Variants in PAX8 observed in about 807,000 individuals in gnomAD.
The protein encoded by PAX8 is paired box protein Pax-8.
PAX8 carries 15 observed loss-of-function variants against 52.4 expected under a neutral mutation model. That is an observed-to-expected ratio of 0.29 (90% CI 0.19 to 0.44). The LOEUF (loss-of-function observed/expected upper bound fraction) is 0.44. Ranked by LOEUF, PAX8 falls within the 20% of genes least tolerant of loss-of-function variation. PAX8 has a pLI of 1.00. For synonymous variants in PAX8, 284 were observed against 249.7 expected (o/e 1.14, Z -1.29); for missense variants, 554 against 602.5 (o/e 0.92, Z 0.84).
chr2:113,247,062 C>A, intron 2 of PAX8, 143 bp from the exon 3 acceptor site: 1 of 767,982 alleles, frequency 1.3e-6, no homozygotes, highest in Non-Finnish European at 2.2e-6. Context: ...GTGGGCCCCT[C>A]TGCACCCCTT....
At chr2:113,247,496 G>A (rs1435188621) in intron 2 of PAX8, among the ~76,000 whole-genome samples, 1 of 151,232 alleles carries the variant, frequency 6.6e-6, no homozygotes, top group African/African-American at 2.4e-5. Context: ...TGGACTTCTG[G>A]CCTGAATGAC....
intron 9 of PAX8, among the ~76,000 whole-genome samples, chr2:113,228,753 C>G (rs1253510451): frequency 6.6e-6 from 1 of 152,178 alleles, no homozygotes; most frequent in Non-Finnish European, 1.5e-5. Context: ...ACCAACTTAC[C>G]AAATTCATCT....
rs746024925 is a variant in PAX8 at position 113,244,559 on chromosome 2, G to C, written c.257C>G (p.Pro86Arg). 6.2e-6 allele frequency: 10 copies of C among 1,614,110 alleles called. No homozygotes were observed. The highest frequency in any genetic ancestry group is 1.7e-5 in the Admixed American group (1 of 60,016). The change falls in exon 4 of 12, where the codon CCC (proline) becomes CGC (arginine). Residue 86 changes from proline to arginine, a missense_variant. Around this residue, in one of 2 missense-constraint regions of PAX8, gnomAD observed 109 missense variants for 192.7 expected, o/e 0.57. Transcript: ENST00000429538. ...GTCCCCAATCTTCTCCACCACCTTGGGGGTGGCCACCTTGGGCTTGGAGCC... is the reference window on the plus strand; with the variant it reads ...GTCCCCAATCTTCTCCACCACCTTGCGGGTGGCCACCTTGGGCTTGGAGCC... ...IGGSKPKVAT[P>R]KVVEKIGDYK...
intron 2 of PAX8, chr2:113,274,453 C>T (rs1247379016): frequency 2.0e-5 from 3 of 152,182 alleles, no homozygotes; most frequent in Non-Finnish European, 4.4e-5. Flanking sequence ...GTTCCATGCA[C>T]CTGGCTATCT....
chr2:113,270,592 G>C (rs13001920), intron 2 of PAX8: 1 of 151,956 alleles, frequency 6.6e-6, no homozygotes, highest in Non-Finnish European at 1.5e-5. Flanking sequence ...TGTCCTCCTG[G>C]AGATGCCGAA....
intron 2 of PAX8, chr2:113,266,576 C>T (rs1693073915): frequency 6.6e-6 from 1 of 152,184 alleles, no homozygotes. Context: ...ATGGCCACAA[C>T]GTGCCTATCA....
At position 113,221,660 on chromosome 2, in the gene PAX8, T is replaced by G. The variant is rs79757198; in HGVS notation, c.1190-1482A>C. Reference sequence around the variant, plus strand: ...ATCTAAGCTTTTATTATTTTCCCATTAAACAGGTGCGAAAATAAAGCTCAA... The same window carrying G: ...ATCTAAGCTTTTATTATTTTCCCATGAAACAGGTGCGAAAATAAAGCTCAA... On this transcript the variant is annotated intron_variant, in intron 10 of 11. Transcript: ENST00000429538. Among the ~76,000 whole-genome samples, 25 of 152,342 alleles carry G rather than the reference T, an allele frequency of 1.6e-4. No homozygotes were observed. In the East Asian group the frequency reaches 4.6e-3, roughly 28 times the overall value.
chr2:113,231,934 G>A (rs1341940804), intron 9 of PAX8, among the ~76,000 whole-genome samples: 2 of 152,158 alleles, frequency 1.3e-5, no homozygotes, highest in Admixed American at 6.5e-5. Flanking sequence ...CTCCATGTTG[G>A]TCAGGCTGGT....
In PAX8 at chr2:113,227,200, C is replaced by T. The variant is rs753497138; in HGVS notation, c.1144G>A (p.Gly382Arg). ...PGYPPHIPTS[G>R]QGSYASSAIA... ...GCAGAGGAGGCATAGCTGCCCTGTC[C>T]GCTGGTGGGGATGTGGGGTGGGTAT... The change falls in exon 10 of 12, where the codon GGA becomes AGA. Residue 382 changes from glycine (G) to arginine (R), a missense_variant. Around this residue, in one of 2 missense-constraint regions of PAX8, gnomAD observed 445 missense variants for 409.9 expected, o/e 1.09. Transcript: ENST00000429538. 1.9e-5 allele frequency: 30 copies of T among 1,609,876 alleles called. No homozygotes were observed. In the Admixed American group the frequency reaches 3.0e-4, roughly 16 times the overall value.
chr2:113,226,256 G>T, intron 10 of PAX8: 1 of 985,494 alleles, frequency 1.0e-6, no homozygotes. Context: ...CACAGCCAGA[G>T]AGGCTGGCCT....
chr2:113,257,858 T>C (rs1447122607), intron 2 of PAX8, among the ~76,000 whole-genome samples: 1 of 152,242 alleles, frequency 6.6e-6, no homozygotes, highest in African/African-American at 2.4e-5. Context: ...CAATTAATTC[T>C]TATAATAACC....
chr2:113,236,581 G>C lies in PAX8; in HGVS notation c.898+20C>G. On this transcript the variant is annotated intron_variant, in intron 8 of 11. Transcript: ENST00000429538. The stretch of plus-strand genomic sequence containing the variant: ...CAGTCCCCCGCCCTCCACCTGCCAG[G>C]GAGGCTCCGGGCGTTGTACCTGCCA... 1 of 1,554,080 alleles carries C rather than the reference G, an allele frequency of 6.4e-7. No individual in the cohort carries two copies. Among genetic ancestry groups the C allele is most frequent in the Non-Finnish European group, 8.7e-7 (1 of 1,150,786 alleles).
At chr2:113,273,575 T>G (rs1269363817) in intron 2 of PAX8, 3 of 152,244 alleles carry the variant, frequency 2.0e-5, no homozygotes, top group African/African-American at 7.2e-5. Flanking sequence ...AACGACATAA[T>G]TTGATATGAA....
intron 7 of PAX8, chr2:113,237,028 GGACC>G: frequency 2.4e-6 from 1 of 423,758 alleles, no homozygotes; most frequent in Non-Finnish European, 4.3e-6. Context: ...CACACTGTTG[GGACC>G]CACAGAATGC....
chr2:113,233,910 C>T (rs372606501), intron 9 of PAX8, among the ~76,000 whole-genome samples: 4 of 152,304 alleles, frequency 2.6e-5, no homozygotes, highest in South Asian at 4.1e-4. Flanking sequence ...AAATTTGAAA[C>T]CACTGGTCCA....
At chr2:113,225,338 G>A (rs1184103858) in intron 10 of PAX8, among the ~76,000 whole-genome samples, 1 of 152,138 alleles carries the variant, frequency 6.6e-6, no homozygotes, top group Admixed American at 6.5e-5. Context: ...TTTAATTGCA[G>A]GAGTCCCCAT....
At chr2:113,278,736 GGGAAAAGGCTGCCA>G in intron 1 of PAX8, 81 bp downstream of exon 1, 1 of 652,750 alleles carries the variant, frequency 1.5e-6, no homozygotes, top group Non-Finnish European at 2.2e-6. Flanking sequence ...TAACTTGGGA[GGGAAAAGGCTGCCA>G]GGCATCCTGG....
intron 1 of PAX8, 137 bp from the exon 2 acceptor site, chr2:113,278,606 A>C (rs937238110): frequency 2.5e-6 from 2 of 809,330 alleles, no homozygotes; most frequent in Non-Finnish European, 3.9e-6. Flanking sequence ...AGTAGGGCCA[A>C]CCTCAGCCTA....
intron 2 of PAX8, among the ~76,000 whole-genome samples, chr2:113,249,565 G>T (rs527393617): frequency 8.8e-4 from 134 of 151,638 alleles, no homozygotes; most frequent in Non-Finnish European, 1.5e-3. Context: ...GGGGTGGCAT[G>T]AATTGGGTAT....
Sources: gnomAD v4.1 joint callset for allele counts (sites outside exome capture counted in the v4.1 genomes callset) on GRCh38, gnomAD v4.1.1 for gene constraint, gnomAD v4.1.1 regional missense constraint, MANE v1.5 for transcripts, NCBI Gene and HGNC (gene_info 2026-07-23, HGNC 2026-07-21) for gene names.